GPD1L: variants seen among roughly 807,000 people sequenced by gnomAD.
The protein encoded by GPD1L is glycerol-3-phosphate dehydrogenase 1 like.
In GPD1L, 17 loss-of-function variants were observed where a neutral mutation model predicts 32.9. The observed-to-expected ratio is 0.52, with a 90% CI of 0.35 to 0.78. The LOEUF is 0.78. GPD1L is among the 30% of genes least tolerant of loss of function. GPD1L has a pLI of 0.01. For synonymous variants in GPD1L, 187 were observed against 165.9 expected (o/e 1.13, Z -0.98); for missense variants, 361 against 447.8 (o/e 0.81, Z 1.75).
chr3:32,122,042 T>G (rs1371919596), intron 1 of GPD1L, among the ~76,000 whole-genome samples: 6 of 152,144 alleles, frequency 3.9e-5, no homozygotes, highest in Non-Finnish European at 8.8e-5. Context: ...GTGCTGGGAT[T>G]ACAGGCGTGA....
chr3:32,155,617 C>A (rs1700977396), intron 5 of GPD1L, among the ~76,000 whole-genome samples: 1 of 152,168 alleles, frequency 6.6e-6, no homozygotes, highest in Non-Finnish European at 1.5e-5. Context: ...TGCATGGCAA[C>A]TTCAATAAAA....
chr3:32,107,601 G>A (rs1700182788), intron 1 of GPD1L, among the ~76,000 whole-genome samples: 1 of 152,152 alleles, frequency 6.6e-6, no homozygotes, highest in Admixed American at 6.5e-5. Context: ...AGGGACTGGT[G>A]TACAATAGTT....
At chr3:32,140,836 C>G (rs1035935592) in intron 4 of GPD1L, among the ~76,000 whole-genome samples, 13 of 152,094 alleles carry the variant, frequency 8.5e-5, no homozygotes, top group African/African-American at 3.1e-4. Context: ...ATTACCTGCC[C>G]CAAGATCACA....
At chr3:32,126,961 G>A (rs911034743) in intron 1 of GPD1L, among the ~76,000 whole-genome samples, 3 of 152,182 alleles carry the variant, frequency 2.0e-5, no homozygotes, top group Non-Finnish European at 4.4e-5. Flanking sequence ...TGTCAGGAAA[G>A]GGACAATATT....
At chr3:32,127,551 TG>T (rs1235870717) in intron 1 of GPD1L, among the ~76,000 whole-genome samples, 3 of 152,154 alleles carry the variant, frequency 2.0e-5, no homozygotes, top group Non-Finnish European at 4.4e-5. Flanking sequence ...AAAGGGAGCT[TG>T]GGGGCCAGAG....
At chr3:32,145,351 A>G (rs1045676675) in intron 4 of GPD1L, among the ~76,000 whole-genome samples, 3 of 152,118 alleles carry the variant, frequency 2.0e-5, no homozygotes, top group African/African-American at 7.2e-5. Flanking sequence ...CCTATTATCC[A>G]TGATTTAAGG....
At chr3:32,146,215 T>G (rs9859033) in intron 4 of GPD1L, among the ~76,000 whole-genome samples, 36,704 of 151,450 alleles carry the variant, frequency 0.24, 4,822 homozygotes, top group East Asian at 0.49. Flanking sequence ...ACCTCCTGAG[T>G]AGCTGGGACC....
chr3:32,165,049 CAA>C (rs1229902949), intron 7 of GPD1L, among the ~76,000 whole-genome samples: 1 of 152,058 alleles, frequency 6.6e-6, no homozygotes, highest in Non-Finnish European at 1.5e-5. Flanking sequence ...ACTAAAAATA[CAA>C]AAATTAGCCA....
chr3:32,147,324 G>GTTT (rs1700844772), intron 5 of GPD1L, among the ~76,000 whole-genome samples: 1 of 152,170 alleles, frequency 6.6e-6, no homozygotes, highest in African/African-American at 2.4e-5. Context: ...TTCTTTGATT[G>GTTT]GAGGTGTATT....
At chr3:32,126,918 G>A (rs1446802624) in intron 1 of GPD1L, among the ~76,000 whole-genome samples, 1 of 152,192 alleles carries the variant, frequency 6.6e-6, no homozygotes, top group East Asian at 1.9e-4. Context: ...TGCAGCCAAA[G>A]TTGAGAACCA....
At chr3:32,144,952 C>A (rs1470183983) in intron 4 of GPD1L, among the ~76,000 whole-genome samples, 1 of 149,604 alleles carries the variant, frequency 6.7e-6, no homozygotes, top group African/African-American at 2.4e-5. Context: ...AATCCACTTA[C>A]CTGAGCCTCC....
Position 32,167,424 on chromosome 3 carries a change from T to C in GPD1L, c.*1514T>C, listed in dbSNP as rs1701164053. 6.6e-6 allele frequency: 1 copy of C among 152,642 alleles called. No individual in the cohort carries two copies. Among genetic ancestry groups the C allele is most frequent in the Non-Finnish European group, 1.5e-5 (1 of 68,040 alleles). The allele number at this position is 152,642 out of a possible 1,614,324, so 9.5% of individuals were successfully genotyped here. On this transcript the variant is annotated 3_prime_UTR_variant, in exon 8 of 8. Transcript: ENST00000282541. Reference sequence around the variant, plus strand: ...AGACCCTTCACTCCCTGCGAGAAATTAGGATGAATAACTACCTGTGGCATT... The same window carrying C: ...AGACCCTTCACTCCCTGCGAGAAATCAGGATGAATAACTACCTGTGGCATT...
chr3:32,111,088 A>G (rs1014924410), intron 1 of GPD1L, among the ~76,000 whole-genome samples: 4 of 151,888 alleles, frequency 2.6e-5, no homozygotes, highest in African/African-American at 7.3e-5. Flanking sequence ...TTGGTCTTGA[A>G]CTCCTGGCCT....
Position 32,166,974 on chromosome 3 carries a change from A to C in GPD1L, c.*1064A>C, listed in dbSNP as rs1701155729. ...CAAGGGCGGTCCTCGGTGCAGCAGC[A>C]TCAGCTTCACTTGTGGGGGGGTGGG... On this transcript the variant is annotated 3_prime_UTR_variant, in exon 8 of 8. Transcript: ENST00000282541. 1.3e-5 allele frequency: 2 copies of C among 149,230 alleles called. No homozygotes were observed. Among genetic ancestry groups the C allele is most frequent in the South Asian group, 4.4e-4 (2 of 4,526 alleles). 9.2% of individuals were successfully genotyped at this position (149,230 alleles called of 1,614,324 possible). A position where few individuals can be genotyped will look rare whatever the true frequency, so the allele number is the denominator to read the frequency against.
At chr3:32,126,694 G>T (rs77517561) in intron 1 of GPD1L, among the ~76,000 whole-genome samples, 432 of 152,300 alleles carry the variant, frequency 2.8e-3, no homozygotes, top group Non-Finnish European at 4.9e-3. Context: ...CAGCTGCATA[G>T]CCTTGATATC....
In GPD1L at chr3:32,140,231, A is replaced by G. The variant is rs72552293; in HGVS notation, c.370A>G (p.Ile124Val). The G allele has an allele frequency of 1.8e-3, 2,829 of 1,614,054 alleles. 13 individuals carry two copies. Among genetic ancestry groups the G allele is most frequent in the Non-Finnish European group, 1.5e-3 (1,740 of 1,179,954 alleles). The stretch of plus-strand genomic sequence containing the variant: ...TAACTTCTTGGCATCCTTGTAGGGC[A>G]TAGACGAGGGCCCCGAGGGGCTGAA... ...KALGITLIKG[I>V]DEGPEGLKLI... The change falls in exon 4 of 8, where the codon ATA becomes GTA. Residue 124 changes from isoleucine to valine, a missense_variant. By Grantham distance (29) the Ile-to-Val change is conservative. Transcript: ENST00000282541.
chr3:32,115,252 T>C (rs1700310808), intron 1 of GPD1L, among the ~76,000 whole-genome samples: 1 of 151,886 alleles, frequency 6.6e-6, no homozygotes, highest in African/African-American at 2.4e-5. Flanking sequence ...GCATTTACAA[T>C]CCTTTAGCTA....
intron 2 of GPD1L, 105 bp from the exon 3 acceptor site, chr3:32,138,482 T>C (rs1700696836): frequency 2.9e-6 from 3 of 1,027,700 alleles, no homozygotes; most frequent in Non-Finnish European, 4.6e-6. Context: ...TGTGCAATGC[T>C]CTGCACATAG....
At chr3:32,117,870 G>A (rs1260622879) in intron 1 of GPD1L, among the ~76,000 whole-genome samples, 10 of 152,098 alleles carry the variant, frequency 6.6e-5, no homozygotes, top group Non-Finnish European at 1.2e-4. Context: ...CTTTGATTCC[G>A]ATCTGAATTA....
Sources: allele counts gnomAD v4.1 joint callset (sites outside exome capture counted in the v4.1 genomes callset), GRCh38; gene constraint gnomAD v4.1.1; transcripts MANE v1.5; gene names NCBI Gene and HGNC (gene_info 2026-07-23, HGNC 2026-07-21).